Variants in HMGA2 observed in about 807,000 individuals in gnomAD.
The protein encoded by HMGA2 is high mobility group protein HMGI-C.
Under a neutral mutation model 19.1 loss-of-function variants are expected in HMGA2, and 8 were observed. The ratio of observed to expected loss-of-function variants is 0.42; its 90% CI spans 0.25 to 0.76. The LOEUF is 0.76. Among genes scored for constraint, HMGA2 ranks in the 30% least tolerant of loss-of-function variants. The probability of loss-of-function intolerance (pLI) is 0.28; values close to 1 mark genes in which losing one functional copy is unlikely to be tolerated. For missense variants in HMGA2, 109 were observed against 136.3 expected, an observed-to-expected ratio of 0.80 and a Z score of 1.00; for synonymous variants, 60 against 48.8, an observed-to-expected ratio of 1.23 and a Z score of -0.96.
At chr12:65,861,449 C>G (rs79032440) in intron 3 of HMGA2, among the ~76,000 whole-genome samples, 2 of 152,086 alleles carry the variant, frequency 1.3e-5, no homozygotes, top group Admixed American at 1.3e-4. Flanking sequence ...TAAAACAGAG[C>G]GTTCCATGTG....
intron 3 of HMGA2, among the ~76,000 whole-genome samples, chr12:65,883,870 G>A (rs1367751227): frequency 2.6e-5 from 4 of 152,110 alleles, no homozygotes; most frequent in South Asian, 4.1e-4. Context: ...CTCGTGGTTC[G>A]GTTTGTTAGT....
intron 3 of HMGA2, among the ~76,000 whole-genome samples, chr12:65,899,750 T>C (rs1592431670): frequency 6.6e-6 from 1 of 152,224 alleles, no homozygotes. Flanking sequence ...TTTATGAAGA[T>C]AATTGAAGCT....
intron 3 of HMGA2, among the ~76,000 whole-genome samples, chr12:65,942,106 T>A (rs988138326): frequency 1.3e-5 from 2 of 152,240 alleles, no homozygotes; most frequent in Non-Finnish European, 2.9e-5. Flanking sequence ...TAATCTCCAA[T>A]AGCATCTAAT....
chr12:65,946,069 G>C (rs1876252583), intron 3 of HMGA2, among the ~76,000 whole-genome samples: 1 of 152,144 alleles, frequency 6.6e-6, no homozygotes, highest in African/African-American at 2.4e-5. Context: ...GATCCTGTGA[G>C]ATGCTATTTT....
intron 3 of HMGA2, among the ~76,000 whole-genome samples, chr12:65,890,727 C>CTT (rs113634383): frequency 1.0e-3 from 144 of 142,030 alleles, no homozygotes; most frequent in African/African-American, 3.5e-3. Context: ...TCAGTATATT[C>CTT]TTTTTTTTTT....
intron 3 of HMGA2, among the ~76,000 whole-genome samples, chr12:65,877,707 A>G (rs542898451): frequency 6.6e-6 from 1 of 151,806 alleles, no homozygotes; most frequent in African/African-American, 2.4e-5. Context: ...CAGAATGAGA[A>G]CTCTTCAAGT....
intron 3 of HMGA2, among the ~76,000 whole-genome samples, chr12:65,885,658 T>C (rs928592061): frequency 6.6e-6 from 1 of 152,210 alleles, no homozygotes; most frequent in Non-Finnish European, 1.5e-5. Context: ...GGATCGCTCA[T>C]GCACCTGACA....
chr12:65,843,380 A>T lies in HMGA2; in HGVS notation c.249+4811A>T, dbSNP rs144499350. Reference sequence around the variant, plus strand: ...CTTGTGATACACAGGAAAGTGATGTAATTTTATATATTAGTCAAACGTGAG... The same window carrying T: ...CTTGTGATACACAGGAAAGTGATGTTATTTTATATATTAGTCAAACGTGAG... On this transcript the variant is annotated intron_variant, in intron 3 of 4. Coordinates refer to ENST00000403681, the MANE Select transcript of HMGA2 (RefSeq NM_003483.6). 1,503 of 205,308 alleles carry T rather than the reference A, an allele frequency of 7.3e-3. 9 individuals carry two copies. The highest frequency in any genetic ancestry group is 0.011 in the Non-Finnish European group (1,150 of 100,422). 12.7% of individuals were successfully genotyped at this position (205,308 alleles called of 1,614,324 possible).
At chr12:65,939,956 A>G (rs1353958231) in intron 3 of HMGA2, among the ~76,000 whole-genome samples, 1 of 152,178 alleles carries the variant, frequency 6.6e-6, no homozygotes, top group Non-Finnish European at 1.5e-5. Context: ...ATTCTTCTCC[A>G]TATTTTGGTC....
intron 3 of HMGA2, chr12:65,876,811 TATTATGTGGTGCTCTA>T (rs1873060634): frequency 6.6e-6 from 1 of 152,202 alleles, no homozygotes; most frequent in African/African-American, 2.4e-5. Context: ...AAGCACATTA[TATTATGTGGTGCTCTA>T]CCATAGATGC....
At chr12:65,845,272 C>A (rs2583936) in intron 3 of HMGA2, among the ~76,000 whole-genome samples, 1 of 151,580 alleles carries the variant, frequency 6.6e-6, no homozygotes, top group South Asian at 2.1e-4. Context: ...TGTTTTGTTT[C>A]GTTTTGTTTT....
chr12:65,827,242 C>G (rs1870251686), intron 1 of HMGA2, among the ~76,000 whole-genome samples: 1 of 152,134 alleles, frequency 6.6e-6, no homozygotes, highest in African/African-American at 2.4e-5. Context: ...TCCACTCCAC[C>G]CCCATAAGAG....
Position 65,847,287 on chromosome 12 carries a change from G to T in HMGA2, c.249+8718G>T, listed in dbSNP as rs575186426. ...ATGGGTGTTAAATCGTCAGGTACAG[G>T]CTCCAAAAAGAGGGAGAAAAAGGGA... On this transcript the variant is annotated intron_variant, in intron 3 of 4. Transcript: ENST00000403681. Among the ~76,000 whole-genome samples the T allele has an allele frequency of 2.6e-5, 4 of 152,126 alleles. No individual in the cohort carries two copies. The South Asian group carries it at 6.2e-4, about 24-fold the overall frequency.
intron 3 of HMGA2, among the ~76,000 whole-genome samples, chr12:65,887,215 A>T (rs1331542285): frequency 6.6e-6 from 1 of 152,230 alleles, no homozygotes; most frequent in African/African-American, 2.4e-5. Flanking sequence ...CAATGAAGGC[A>T]ATGAAAACCT....
At chr12:65,841,908 C>T (rs1322596839) in intron 3 of HMGA2, among the ~76,000 whole-genome samples, 1 of 152,024 alleles carries the variant, frequency 6.6e-6, no homozygotes, top group Non-Finnish European at 1.5e-5. Context: ...GGGGATGAAG[C>T]ATTGGCCAAT....
chr12:65,843,031 T>C (rs1871070579), intron 3 of HMGA2: 1 of 297,984 alleles, frequency 3.4e-6, no homozygotes, highest in African/African-American at 2.2e-5. Context: ...AGTGATACTT[T>C]TAGGTGTTTT....
At chr12:65,894,523 A>G (rs1207622827) in intron 3 of HMGA2, among the ~76,000 whole-genome samples, 3 of 152,184 alleles carry the variant, frequency 2.0e-5, no homozygotes, top group Admixed American at 6.5e-5. Context: ...TCATTTTTAC[A>G]TGGTCAAATC....
intron 3 of HMGA2, chr12:65,867,342 T>C: frequency 3.0e-6 from 1 of 334,882 alleles, no homozygotes; most frequent in Non-Finnish European, 6.0e-6. Flanking sequence ...CATGAAAATC[T>C]GGAGGCCTTC....
chr12:65,927,860 T>TA lies in HMGA2; in HGVS notation c.250-23523_250-23522insA, dbSNP rs1331828424. On this transcript the variant is annotated intron_variant, in intron 3 of 4. Coordinates refer to ENST00000403681, the MANE Select transcript of HMGA2 (RefSeq NM_003483.6). Reference sequence around the variant, plus strand: ...GTGTGTGTGTGTGTGTGTATATATATTTTTTATATATGTATGTATATATAA... The same window carrying TA: ...GTGTGTGTGTGTGTGTGTATATATATATTTTTATATATGTATGTATATATAA... 2.0e-5 allele frequency among the ~76,000 whole-genome samples: 3 copies of TA among 149,768 alleles called. No individual in the cohort carries two copies. The East Asian group carries it at 5.8e-4, about 29-fold the overall frequency.
Sources: allele counts gnomAD v4.1 joint callset (sites outside exome capture counted in the v4.1 genomes callset), GRCh38; gene constraint gnomAD v4.1.1; transcripts MANE v1.5; gene names NCBI Gene and HGNC (gene_info 2026-07-23, HGNC 2026-07-21).